THNSL1: variants seen among roughly 807,000 people sequenced by gnomAD.
THNSL1 encodes threonine synthase-like 1.
Under a neutral mutation model 50.4 loss-of-function variants are expected in THNSL1, and 48 were observed. The observed-to-expected ratio is 0.95, with a 90% confidence interval of 0.76 to 1.21. The LOEUF is 1.21. Ranked by LOEUF, THNSL1 falls within the 50% of genes most tolerant of loss-of-function variation. The pLI, the probability that THNSL1 is intolerant of heterozygous loss-of-function variation, is 0.00. For synonymous variants in THNSL1, 309 were observed against 306.1 expected, an observed-to-expected ratio of 1.01 and a Z score of -0.10; for missense variants, 896 against 871.7, an observed-to-expected ratio of 1.03 and a Z score of -0.35.
chr10:25,024,072 A>C lies in THNSL1; in HGVS notation c.849A>C (p.Leu283=). The C allele has an allele frequency of 1.2e-6, 2 of 1,614,202 alleles. No individual in the cohort carries two copies. The highest frequency in any genetic ancestry group is 1.7e-6 in the Non-Finnish European group (2 of 1,180,018). The change falls in exon 3 of 3, where the codon CTA becomes CTC. Residue 283 remains leucine (L), a synonymous_variant. Transcript: ENST00000376356. ...PKLSCGEWKS[L]VGATYVERAQ... The stretch of plus-strand genomic sequence containing the variant: ...TAAGCTGCGGGGAGTGGAAAAGCCT[A>C]GTAGGAGCAACCTACGTAGAAAGAG...
chr10:24,984,268 C>T, the THNSL1 span: 8 of 1,307,974 alleles, frequency 6.1e-6, no homozygotes, highest in Non-Finnish European at 8.4e-6. Context: ...ATTTGTGGAG[C>T]TCAGAAACAA....
chr10:24,962,620 C>A, the THNSL1 span, among the ~76,000 whole-genome samples: 1 of 152,156 alleles, frequency 6.6e-6, no homozygotes, highest in Admixed American at 6.5e-5. Flanking sequence ...GAAAGATTGT[C>A]CCTCAATGCA....
At chr10:24,995,806 A>C in the THNSL1 span, 3 of 1,614,020 alleles carry the variant, frequency 1.9e-6, no homozygotes, top group South Asian at 3.3e-5. Flanking sequence ...TATTCCCATG[A>C]CAGGATGATC....
the THNSL1 span, chr10:24,983,597 T>A: frequency 6.6e-6 from 1 of 152,212 alleles, no homozygotes; most frequent in Admixed American, 6.5e-5. Context: ...ATGGACAAGT[T>A]TCAAGTGAAT....
the THNSL1 span, among the ~76,000 whole-genome samples, chr10:24,993,981 C>T: frequency 2.6e-5 from 4 of 152,208 alleles, no homozygotes; most frequent in South Asian, 2.1e-4. Context: ...TGTGGGACAA[C>T]GACTATAAAA....
chr10:24,971,497 T>C, the THNSL1 span, among the ~76,000 whole-genome samples: 5 of 152,202 alleles, frequency 3.3e-5, no homozygotes, highest in African/African-American at 1.2e-4. Flanking sequence ...CAAAGAGGAT[T>C]CTTATAGCCT....
At chr10:25,016,150 G>A (rs142760402), upstream of THNSL1, 23 of 1,218,250 alleles carry the variant, frequency 1.9e-5, no homozygotes, top group Admixed American at 6.1e-4. Context: ...GCTAAGCGTC[G>A]TTGACTGTGC....
chr10:24,996,549 C>T, the THNSL1 span, among the ~76,000 whole-genome samples: 1 of 152,008 alleles, frequency 6.6e-6, no homozygotes, highest in East Asian at 1.9e-4. Flanking sequence ...TTTGATCATT[C>T]CCATTGATCT....
chr10:25,015,353 G>A (rs959376097), upstream of THNSL1, among the ~76,000 whole-genome samples: 4 of 152,026 alleles, frequency 2.6e-5, no homozygotes, highest in Non-Finnish European at 4.4e-5. Flanking sequence ...TAGATATTTC[G>A]TTTCACTGAT....
Position 25,023,331 on chromosome 10 carries a change from C to CT in THNSL1, c.111dup (p.Ala38CysfsTer51). The CT allele has an allele frequency of 6.2e-7, 1 of 1,614,114 alleles. No homozygotes were observed. The highest frequency in any genetic ancestry group is 8.5e-7 in the Non-Finnish European group (1 of 1,179,998). On this transcript the variant is annotated frameshift_variant, in exon 3 of 3. Coordinates refer to ENST00000376356, the MANE Select transcript of THNSL1 (RefSeq NM_024838.5). LOFTEE classifies it high-confidence loss of function. Reference sequence around the variant, plus strand: ...ATGCACAGCGATTTCTTTCAAGAACCTTTGCACTTGCGGAATTGAGGAAGT... The same window carrying CT: ...ATGCACAGCGATTTCTTTCAAGAACCTTTTGCACTTGCGGAATTGAGGAAGT...
At chr10:25,012,085 G>T (rs757192109), upstream of THNSL1, among the ~76,000 whole-genome samples, 3 of 152,264 alleles carry the variant, frequency 2.0e-5, no homozygotes, top group Non-Finnish European at 2.9e-5. Context: ...TTGCTTCAGA[G>T]GGTGCGAGCC....
the THNSL1 span, among the ~76,000 whole-genome samples, chr10:24,990,298 C>T: frequency 1.3e-5 from 2 of 152,176 alleles, no homozygotes; most frequent in Non-Finnish European, 2.9e-5. Context: ...TTTTTGCTCT[C>T]TCCAAAGAGT....
the THNSL1 span, among the ~76,000 whole-genome samples, chr10:24,986,232 T>C: frequency 6.6e-6 from 1 of 152,304 alleles, no homozygotes; most frequent in African/African-American, 2.4e-5. Flanking sequence ...TTGTAGAAAC[T>C]TTCAGGGACA....
chr10:25,014,442 T>C (rs1850519087), upstream of THNSL1, among the ~76,000 whole-genome samples: 1 of 152,156 alleles, frequency 6.6e-6, no homozygotes, highest in Non-Finnish European at 1.5e-5. Flanking sequence ...ACAGATATAC[T>C]AGTGCAATAT....
At chr10:24,968,710 C>G in the THNSL1 span, among the ~76,000 whole-genome samples, 1 of 152,190 alleles carries the variant, frequency 6.6e-6, no homozygotes. Flanking sequence ...ATTTCAGACA[C>G]TGTAGTGAGT....
chr10:24,960,407 G>A, the THNSL1 span, among the ~76,000 whole-genome samples: 1 of 151,858 alleles, frequency 6.6e-6, no homozygotes, highest in Non-Finnish European at 1.5e-5. Context: ...TGTTTTATTT[G>A]TTTTATTATT....
chr10:24,991,772 C>G, the THNSL1 span, among the ~76,000 whole-genome samples: 2 of 152,218 alleles, frequency 1.3e-5, no homozygotes, highest in Admixed American at 6.5e-5. Context: ...CCTTTGGAAG[C>G]CCTCTGTCCT....
chr10:24,976,407 G>A, the THNSL1 span, among the ~76,000 whole-genome samples: 1 of 152,098 alleles, frequency 6.6e-6, no homozygotes, highest in Non-Finnish European at 1.5e-5. Flanking sequence ...GGACTCACAT[G>A]GTTGCAATGT....
At chr10:25,008,995 C>A in the THNSL1 span, among the ~76,000 whole-genome samples, 76 of 151,600 alleles carry the variant, frequency 5.0e-4, 1 homozygote, top group African/African-American at 1.6e-3. Flanking sequence ...TCTCAGCAAA[C>A]TATCACAAGG....
Sources: allele counts gnomAD v4.1 joint callset (sites outside exome capture counted in the v4.1 genomes callset), GRCh38; gene constraint gnomAD v4.1.1; transcripts MANE v1.5; gene names NCBI Gene and HGNC (gene_info 2026-07-23, HGNC 2026-07-21).